HMGXB4: variants seen among roughly 807,000 people sequenced by gnomAD.
The protein encoded by HMGXB4 is HMG-box containing 4, also known as HMG domain-containing protein 4.
Under a neutral mutation model 63.9 loss-of-function variants are expected in HMGXB4, and 27 were observed. That is an observed-to-expected ratio of 0.42 (90% confidence interval 0.31 to 0.58). HMGXB4 has a LOEUF of 0.58. Among genes scored for constraint, HMGXB4 ranks in the 20% least tolerant of loss-of-function variants. The pLI is 0.13. For missense variants in HMGXB4, 624 were observed against 700.7 expected (o/e 0.89, Z 1.24); for synonymous variants, 264 against 265.3 (o/e 0.99, Z 0.05).
In HMGXB4 at chr22:35,265,317, A is replaced by T. The variant is rs1433158681; in HGVS notation, c.929A>T (p.Asp310Val). ...CTAGAGGCTGGGGAGTTAGTGATAG[A>T]TGATTCTTACCGAGAAATCAAGAAG... ...GELEAGELVIDDSYREIKKKK... is the reference protein window; with the variant it reads ...GELEAGELVIVDSYREIKKKK... Residue 310 changes from aspartate to valine, a missense_variant, in exon 5 of 11, where the codon GAT (aspartate) becomes GTT (valine). Around this residue, in one of 2 missense-constraint regions of HMGXB4, gnomAD observed 472 missense variants for 470.6 expected, o/e 1.00. Transcript: ENST00000216106. 1 of 1,614,044 alleles carries T rather than the reference A, an allele frequency of 6.2e-7. No individual in the cohort carries two copies. Among genetic ancestry groups the T allele is most frequent in the Non-Finnish European group, 8.5e-7 (1 of 1,180,008 alleles).
At chr22:35,265,631 G>A (rs1348159720) in intron 5 of HMGXB4, 28 bp downstream of exon 5, 1 of 1,507,754 alleles carries the variant, frequency 6.6e-7, no homozygotes, top group African/African-American at 1.4e-5. Context: ...TGTGGTGGGG[G>A]TAAGAGATTA....
Position 35,265,122 on chromosome 22 carries a change from T to A in HMGXB4, c.734T>A (p.Leu245Gln), listed in dbSNP as rs1923124968. The A allele has an allele frequency of 6.2e-7, 1 of 1,614,040 alleles. No individual in the cohort carries two copies. The change falls in exon 5 of 11, where the codon CTG (leucine) becomes CAG (glutamine). Residue 245 changes from leucine to glutamine, a missense_variant. Leu to Gln is a moderately radical substitution (Grantham distance 113). Around this residue, in one of 2 missense-constraint regions of HMGXB4, gnomAD observed 472 missense variants for 470.6 expected, o/e 1.00. Transcript: ENST00000216106. ...CTAGGACATGAGTTACAGAGCTTTCTGAAAACAGCCCGGAAAAAGCACAAG... is the reference window on the plus strand; with the variant it reads ...CTAGGACATGAGTTACAGAGCTTTCAGAAAACAGCCCGGAAAAAGCACAAG... ...LLLGHELQSF[L>Q]KTARKKHKSS...
chr22:35,257,798 G>C (rs2146389920), intron 1 of HMGXB4, among the ~76,000 whole-genome samples: 1 of 152,206 alleles, frequency 6.6e-6, no homozygotes, highest in East Asian at 1.9e-4. Flanking sequence ...AAACGGGGAA[G>C]GCGGGAAAGC....
At chr22:35,256,116 G>T (rs1309172803), upstream of HMGXB4, among the ~76,000 whole-genome samples, 1 of 152,216 alleles carries the variant, frequency 6.6e-6, no homozygotes, top group Non-Finnish European at 1.5e-5. Context: ...AGCAAAAAGA[G>T]CACTGAACCA....
At chr22:35,287,018 A>C (rs893880219) in intron 7 of HMGXB4, 7 of 218,048 alleles carry the variant, frequency 3.2e-5, no homozygotes, top group African/African-American at 4.5e-5. Flanking sequence ...GGTATTGCCA[A>C]CTAGCAGGTT....
chr22:35,264,915 A>T lies in HMGXB4; in HGVS notation c.527A>T (p.Tyr176Phe). Residue 176 changes from tyrosine to phenylalanine, a missense_variant, in exon 5 of 11, where the codon TAT becomes TTT. Physicochemically the swap from Tyr to Phe is conservative, Grantham distance 22. Transcript: ENST00000216106. ...AAATCGAAAAAAATGAAACCTCTCT[A>T]TGTGAACACAGAGACACTGACCCTT... ...SHKSKKMKPLYVNTETLTLRE... is the reference protein window; with the variant it reads ...SHKSKKMKPLFVNTETLTLRE... The T allele has an allele frequency of 6.2e-7, 1 of 1,614,096 alleles. No homozygotes were observed. Among genetic ancestry groups the T allele is most frequent in the East Asian group, 2.2e-5 (1 of 44,884 alleles).
rs752781700 is a variant in HMGXB4, at chr22:35,264,918, T to C, written c.530T>C (p.Val177Ala). ...TCGAAAAAAATGAAACCTCTCTATG[T>C]GAACACAGAGACACTGACCCTTCGG... ...HKSKKMKPLY[V>A]NTETLTLREP... Residue 177 changes from valine to alanine, a missense_variant, in exon 5 of 11, where the codon GTG becomes GCG. Physicochemically the swap from Val to Ala is moderately conservative, Grantham distance 64. Transcript: ENST00000216106. The C allele has an allele frequency of 6.2e-7, 1 of 1,614,096 alleles. No individual in the cohort carries two copies. The highest frequency in any genetic ancestry group is 1.1e-5 in the South Asian group (1 of 91,080).
chr22:35,290,126 A>G (rs779048511), intron 9 of HMGXB4, among the ~76,000 whole-genome samples: 14 of 152,220 alleles, frequency 9.2e-5, no homozygotes, highest in South Asian at 4.1e-4. Flanking sequence ...GAAGTATTCT[A>G]TGACCTTACT....
chr22:35,259,067 G>C (rs191413701), intron 1 of HMGXB4, among the ~76,000 whole-genome samples: 1 of 152,206 alleles, frequency 6.6e-6, no homozygotes. Context: ...GATTACTTTG[G>C]TCATCCCAAA....
intron 7 of HMGXB4, among the ~76,000 whole-genome samples, chr22:35,286,297 C>T (rs1326782239): frequency 6.6e-6 from 1 of 152,188 alleles, no homozygotes; most frequent in African/African-American, 2.4e-5. Context: ...AGCAGTGTTA[C>T]ATTTGAGCCA....
chr22:35,290,847 A>T (rs949654066), intron 9 of HMGXB4, among the ~76,000 whole-genome samples: 1 of 152,156 alleles, frequency 6.6e-6, no homozygotes, highest in African/African-American at 2.4e-5. Context: ...CTCAAGGGTT[A>T]TATTCTATTT....
At chr22:35,292,855 G>A (rs1207540021) in intron 9 of HMGXB4, 137 bp from the exon 10 acceptor site, 5 of 1,000,686 alleles carry the variant, frequency 5.0e-6, no homozygotes, top group East Asian at 2.6e-5. Flanking sequence ...AGTTATCAAA[G>A]TAAACTTTCC....
rs1016367591 is a variant in HMGXB4 at position 35,265,001 on chromosome 22, T to C, written c.613T>C (p.Ser205Pro). The change falls in exon 5 of 11, where the codon TCT becomes CCT. Residue 205 changes from serine (S) to proline (P), a missense_variant. By Grantham distance (74) the Ser-to-Pro change is moderately conservative. Coordinates refer to ENST00000216106, the MANE Select transcript of HMGXB4 (RefSeq NM_001003681.3). ...ILSPKEKGSS[S>P]VDEESFQYPS... ...GTCACCAAAGGAGAAGGGAAGCAGC[T>C]CTGTTGATGAGGAGTCTTTTCAATA... is the stretch of plus-strand genomic sequence containing the variant. The C allele has an allele frequency of 6.2e-7, 1 of 1,613,968 alleles. No homozygotes were observed. The highest frequency in any genetic ancestry group is 1.7e-5 in the Admixed American group (1 of 59,988).
chr22:35,269,279 G>A (rs1447765005), intron 5 of HMGXB4, among the ~76,000 whole-genome samples: 1 of 152,238 alleles, frequency 6.6e-6, no homozygotes, highest in Non-Finnish European at 1.5e-5. Context: ...TCTGGAGGCA[G>A]AGGCAGGAGA....
chr22:35,262,808 A>C, intron 2 of HMGXB4: 1 of 527,414 alleles, frequency 1.9e-6, no homozygotes, highest in South Asian at 2.4e-5. Context: ...CCTCCTACCA[A>C]ATCACAACTC....
At chr22:35,274,970 C>G (rs1923819707) in intron 5 of HMGXB4, among the ~76,000 whole-genome samples, 1 of 152,120 alleles carries the variant, frequency 6.6e-6, no homozygotes, top group African/African-American at 2.4e-5. Context: ...AGCTGTGAGT[C>G]TGGATGTCAG....
At chr22:35,286,851 CAAA>C (rs67190857) in intron 7 of HMGXB4, 5 of 72,810 alleles carry the variant, frequency 6.9e-5, no homozygotes, top group Admixed American at 1.6e-4. Context: ...AACTCCATCT[CAAA>C]AAAAAAAAAA....
intron 5 of HMGXB4, among the ~76,000 whole-genome samples, chr22:35,273,177 G>A (rs1601632794): frequency 6.6e-6 from 1 of 152,278 alleles, no homozygotes; most frequent in East Asian, 1.9e-4. Flanking sequence ...ACAATAAATG[G>A]TAGAAATTAG....
chr22:35,267,568 A>G (rs1027387754), intron 5 of HMGXB4, among the ~76,000 whole-genome samples: 1 of 152,040 alleles, frequency 6.6e-6, no homozygotes, highest in African/African-American at 2.4e-5. Context: ...CCTGCTAAAT[A>G]TTTCTACTTG....
Sources: allele counts gnomAD v4.1 joint callset (sites outside exome capture counted in the v4.1 genomes callset), GRCh38; gene constraint gnomAD v4.1.1; regional missense constraint gnomAD v4.1.1; transcripts MANE v1.5; gene names NCBI Gene and HGNC (gene_info 2026-07-23, HGNC 2026-07-21).